PARVA: variants seen among roughly 807,000 people sequenced by gnomAD.
PARVA encodes parvin alpha.
A neutral mutation model predicts 52.6 loss-of-function variants in PARVA; 25 were observed. The observed-to-expected ratio is 0.48, with a 90% confidence interval of 0.35 to 0.66. PARVA has a LOEUF of 0.66. Ranked by LOEUF, PARVA falls within the 30% of genes least tolerant of loss-of-function variation. The pLI is 0.01. For missense variants in PARVA, 373 were observed against 450.9 expected, an observed-to-expected ratio of 0.83 and a Z score of 1.56; for synonymous variants, 185 against 179.1, an observed-to-expected ratio of 1.03 and a Z score of -0.26.
intron 3 of PARVA, among the ~76,000 whole-genome samples, chr11:12,476,901 A>G (rs1941021369): frequency 6.6e-6 from 1 of 152,198 alleles, no homozygotes; most frequent in South Asian, 2.1e-4. Context: ...TCCAACACAA[A>G]GGACGATGTC....
intron 1 of PARVA, among the ~76,000 whole-genome samples, chr11:12,391,638 G>A (rs1277264709): frequency 2.0e-5 from 3 of 152,148 alleles, no homozygotes; most frequent in Non-Finnish European, 2.9e-5. Context: ...AACTCCCCAA[G>A]CTACACTTCC....
chr11:12,408,031 G>C (rs563939774), intron 1 of PARVA, among the ~76,000 whole-genome samples: 1 of 152,162 alleles, frequency 6.6e-6, no homozygotes, highest in Non-Finnish European at 1.5e-5. Context: ...ACTTGGCTTT[G>C]TTTTCCTTTG....
intron 1 of PARVA, among the ~76,000 whole-genome samples, chr11:12,393,363 C>T (rs1009217729): frequency 8.5e-5 from 13 of 152,096 alleles, no homozygotes; most frequent in African/African-American, 3.1e-4. Context: ...AGGTAACTTG[C>T]CCAAAGTCAA....
At position 12,405,445 on chromosome 11, in the gene PARVA, A is replaced by G. The variant is rs561775327; in HGVS notation, c.136+27662A>G. Among the ~76,000 whole-genome samples, 4 of 152,296 alleles carry G rather than the reference A, an allele frequency of 2.6e-5. No homozygotes were observed. The South Asian group carries it at 8.3e-4, about 32-fold the overall frequency. On this transcript the variant is annotated intron_variant, in intron 1 of 12. Transcript: ENST00000334956. ...CCAGGAGTGTTGCCTCATGCCTATA[A>G]TCCCAGCACTTTGGGAGGCTGAGCG...
chr11:12,500,449 G>C (rs1274512468), intron 5 of PARVA, among the ~76,000 whole-genome samples: 1 of 152,172 alleles, frequency 6.6e-6, no homozygotes, highest in Non-Finnish European at 1.5e-5. Flanking sequence ...GGTAGAATCT[G>C]TTTTAATTGG....
intron 1 of PARVA, among the ~76,000 whole-genome samples, chr11:12,448,247 GCTAGGATTGCA>G (rs1940574343): frequency 6.6e-6 from 1 of 152,174 alleles, no homozygotes; most frequent in African/African-American, 2.4e-5. Flanking sequence ...CTTCTGCCAG[GCTAGGATTGCA>G]CTAGGATTGC....
chr11:12,394,958 G>T (rs968101935), intron 1 of PARVA, among the ~76,000 whole-genome samples: 2 of 152,168 alleles, frequency 1.3e-5, no homozygotes, highest in African/African-American at 4.8e-5. Context: ...GGGCGTGGTG[G>T]CTCATGCCTT....
intron 1 of PARVA, among the ~76,000 whole-genome samples, chr11:12,463,797 TA>T (rs1940816925): frequency 1.3e-5 from 2 of 152,202 alleles, no homozygotes; most frequent in East Asian, 3.8e-4. Context: ...TTTATTCAAT[TA>T]TTTATATCAC....
chr11:12,465,868 A>G (rs1360124748), intron 1 of PARVA, among the ~76,000 whole-genome samples: 1 of 152,196 alleles, frequency 6.6e-6, no homozygotes, highest in African/African-American at 2.4e-5. Flanking sequence ...CAGTTGGGTA[A>G]ATACCTAGGA....
chr11:12,378,373 A>G (rs1260524431), intron 1 of PARVA, among the ~76,000 whole-genome samples: 1 of 152,112 alleles, frequency 6.6e-6, no homozygotes, highest in South Asian at 2.1e-4. Context: ...GTAGGTGGAC[A>G]TCGAGTGTTT....
chr11:12,420,171 A>G (rs577511649), intron 1 of PARVA, among the ~76,000 whole-genome samples: 1 of 152,324 alleles, frequency 6.6e-6, no homozygotes, highest in South Asian at 2.1e-4. Context: ...AAAAAGGGTT[A>G]GTTCTGGGAG....
At chr11:12,434,991 G>A (rs1037799015) in intron 1 of PARVA, among the ~76,000 whole-genome samples, 4 of 152,090 alleles carry the variant, frequency 2.6e-5, no homozygotes, top group South Asian at 2.1e-4. Context: ...TTTCCTGCCC[G>A]TATTCACCAA....
intron 1 of PARVA, among the ~76,000 whole-genome samples, chr11:12,395,078 C>T (rs1409384841): frequency 2.1e-5 from 3 of 140,184 alleles, no homozygotes; most frequent in Admixed American, 7.4e-5. Context: ...GCAACTGGAG[C>T]GAAACTCCAT....
At chr11:12,500,760 C>T (rs1941353868) in intron 5 of PARVA, among the ~76,000 whole-genome samples, 1 of 151,320 alleles carries the variant, frequency 6.6e-6, no homozygotes. Flanking sequence ...CAATGCACTC[C>T]AGCCTGGGTG....
chr11:12,396,044 G>C (rs1485597315), intron 1 of PARVA, among the ~76,000 whole-genome samples: 1 of 152,132 alleles, frequency 6.6e-6, no homozygotes, highest in African/African-American at 2.4e-5. Context: ...CATATGTCAA[G>C]CACCTAGGGA....
chr11:12,404,426 G>A (rs951235911), intron 1 of PARVA, among the ~76,000 whole-genome samples: 3 of 152,240 alleles, frequency 2.0e-5, no homozygotes, highest in Non-Finnish European at 4.4e-5. Context: ...GGATTCAAGA[G>A]TGCGCTCAGT....
intron 1 of PARVA, among the ~76,000 whole-genome samples, chr11:12,410,051 C>T (rs1939972334): frequency 6.6e-6 from 1 of 152,154 alleles, no homozygotes; most frequent in Non-Finnish European, 1.5e-5. Flanking sequence ...TCCAAATGTG[C>T]CTCTAGGTGG....
At chr11:12,404,811 A>G (rs745365442) in intron 1 of PARVA, among the ~76,000 whole-genome samples, 1 of 152,198 alleles carries the variant, frequency 6.6e-6, no homozygotes, top group East Asian at 1.9e-4. Context: ...CCATCGTTAC[A>G]TCCTCATCTT....
intron 1 of PARVA, among the ~76,000 whole-genome samples, chr11:12,437,514 G>A (rs773404136): frequency 6.6e-6 from 1 of 152,242 alleles, no homozygotes; most frequent in African/African-American, 2.4e-5. Flanking sequence ...TGAGCTCTGT[G>A]AGTAAAGACT....
Sources: allele counts gnomAD v4.1 joint callset (sites outside exome capture counted in the v4.1 genomes callset), GRCh38; gene constraint gnomAD v4.1.1; transcripts MANE v1.5; gene names NCBI Gene and HGNC (gene_info 2026-07-23, HGNC 2026-07-21).